The following LRRIQ1 variants were observed in gnomAD, a reference collection of about 807,000 sequenced individuals.
The protein encoded by LRRIQ1 is leucine rich repeats and IQ motif containing 1.
LRRIQ1 carries 210 observed loss-of-function variants against 211.9 expected under a neutral mutation model. That is an observed-to-expected ratio of 0.99 (90% confidence interval 0.89 to 1.11). The LOEUF is 1.11. Among genes scored for constraint, LRRIQ1 ranks in the 50% most tolerant of loss-of-function variants. LRRIQ1 has a pLI of 0.00. For synonymous variants in LRRIQ1, 699 were observed against 650.1 expected, an observed-to-expected ratio of 1.08 and a Z score of -1.14; for missense variants, 2,136 against 1,939.5, an observed-to-expected ratio of 1.10 and a Z score of -1.90.
At position 85,056,627 on chromosome 12, in the gene LRRIQ1, A is replaced by C. The variant is rs1298365076; in HGVS notation, c.1834A>C (p.Arg612=). Residue 612 remains arginine, a synonymous_variant, in exon 8 of 27, where the codon AGA becomes CGA. Coordinates refer to ENST00000393217, the MANE Select transcript of LRRIQ1 (RefSeq NM_001079910.2). ...KDTLVISVKQ[R]SLSLTSENSK... is the part of the protein sequence containing the mutation. ...TACTTTAGTTATTTCAGTGAAACAA[A>C]GATCACTCTCACTAACATCAGAAAA... 1 of 1,595,734 alleles carries C rather than the reference A, an allele frequency of 6.3e-7. No homozygotes were observed. Among genetic ancestry groups the C allele is most frequent in the South Asian group, 1.1e-5 (1 of 87,018 alleles).
At chr12:85,169,572 T>C (rs1426581451) in intron 24 of LRRIQ1, among the ~76,000 whole-genome samples, 1 of 152,158 alleles carries the variant, frequency 6.6e-6, no homozygotes, top group Non-Finnish European at 1.5e-5. Context: ...GCTTTCGTAT[T>C]TCATCCTCTT....
chr12:85,083,565 G>A (rs928058433), intron 11 of LRRIQ1, among the ~76,000 whole-genome samples: 4 of 151,650 alleles, frequency 2.6e-5, no homozygotes, highest in East Asian at 1.9e-4. Context: ...TCAGCCTCCC[G>A]AGTAGCTGGG....
At chr12:85,240,372 C>T (rs1383873885) in intron 26 of LRRIQ1, among the ~76,000 whole-genome samples, 1 of 152,044 alleles carries the variant, frequency 6.6e-6, no homozygotes, top group Non-Finnish European at 1.5e-5. Flanking sequence ...AATGGTACAG[C>T]CACTCTGGAG....
rs1279615563 is a variant in LRRIQ1, at chr12:85,055,946, A to G, written c.1153A>G (p.Ile385Val). Residue 385 changes from isoleucine (I) to valine (V), a missense_variant, in exon 8 of 27, where the codon ATA becomes GTA. Coordinates refer to ENST00000393217, the MANE Select transcript of LRRIQ1 (RefSeq NM_001079910.2). The part of the protein sequence containing the change: ...REQLISKEKI[I>V]LREDASQQLI... ...GCAACTAATAAGCAAGGAAAAAATA[A>G]TATTAAGAGAAGATGCAAGCCAACA... 1 of 1,607,042 alleles carries G rather than the reference A, an allele frequency of 6.2e-7. No individual in the cohort carries two copies. Among genetic ancestry groups the G allele is most frequent in the African/African-American group, 1.3e-5 (1 of 74,638 alleles).
Position 85,124,674 on chromosome 12 carries a change from T to A in LRRIQ1, c.4007+155T>A, listed in dbSNP as rs1016699604. 3 of 615,140 alleles carry A rather than the reference T, an allele frequency of 4.9e-6. No homozygotes were observed. The East Asian group carries it at 8.5e-5, about 17-fold the overall frequency. 38.1% of individuals were successfully genotyped at this position (615,140 alleles called of 1,614,324 possible). ...ATGTTTTCGTGAGGTGCATTATGTT[T>A]TCATGAGGTGCACAAATCATTAATT... is the stretch of plus-strand genomic sequence containing the variant. On this transcript the variant is annotated intron_variant, in intron 17 of 26. Coordinates refer to ENST00000393217, the MANE Select transcript of LRRIQ1 (RefSeq NM_001079910.2).
intron 26 of LRRIQ1, among the ~76,000 whole-genome samples, chr12:85,239,310 A>G (rs913512433): frequency 6.6e-6 from 1 of 151,678 alleles, no homozygotes; most frequent in Non-Finnish European, 1.5e-5. Flanking sequence ...CGTGCTACAC[A>G]GAATTCAAGA....
intron 1 of LRRIQ1, among the ~76,000 whole-genome samples, chr12:85,037,560 G>A (rs936774314): frequency 1.3e-5 from 2 of 151,498 alleles, no homozygotes; most frequent in East Asian, 1.9e-4. Flanking sequence ...GAGGGTGGAA[G>A]TTATGGGTAG....
chr12:85,095,937 A>G (rs1885838057), intron 11 of LRRIQ1, among the ~76,000 whole-genome samples: 1 of 151,994 alleles, frequency 6.6e-6, no homozygotes, highest in African/African-American at 2.4e-5. Flanking sequence ...GTTTGTGTGA[A>G]TAGATGTGAA....
intron 19 of LRRIQ1, among the ~76,000 whole-genome samples, chr12:85,143,289 A>G (rs981908385): frequency 2.0e-5 from 3 of 151,524 alleles, no homozygotes; most frequent in South Asian, 2.1e-4. Flanking sequence ...TCCTTTGCTC[A>G]TTTCCAGTTG....
At chr12:85,211,295 G>A (rs998432243) in intron 24 of LRRIQ1, among the ~76,000 whole-genome samples, 3 of 152,102 alleles carry the variant, frequency 2.0e-5, no homozygotes, top group Non-Finnish European at 4.4e-5. Context: ...TTAAGCATAT[G>A]TATATTTTTC....
At chr12:85,201,954 GT>G (rs1344657452) in intron 24 of LRRIQ1, among the ~76,000 whole-genome samples, 6 of 151,990 alleles carry the variant, frequency 3.9e-5, no homozygotes, top group Non-Finnish European at 8.8e-5. Context: ...TCCTAACACT[GT>G]CTTAGCTGTG....
At chr12:85,152,183 T>G (rs968800752) in intron 19 of LRRIQ1, 97 bp from the exon 20 acceptor site, 2 of 930,770 alleles carry the variant, frequency 2.1e-6, no homozygotes, top group East Asian at 2.8e-5. Context: ...AATTCTGATA[T>G]ACTTTGTCAA....
intron 3 of LRRIQ1, among the ~76,000 whole-genome samples, chr12:85,043,629 T>C (rs1209454463): frequency 1.3e-5 from 2 of 150,002 alleles, no homozygotes; most frequent in African/African-American, 5.0e-5. Flanking sequence ...TGTGATTCTT[T>C]GGGAGAAACA....
chr12:85,062,557 A>G (rs1184817106), intron 8 of LRRIQ1, among the ~76,000 whole-genome samples: 1 of 147,436 alleles, frequency 6.8e-6, no homozygotes, highest in Non-Finnish European at 1.5e-5. Flanking sequence ...ATGTTATTCC[A>G]GGCTATATAT....
chr12:85,085,980 G>A (rs993456856), intron 11 of LRRIQ1, among the ~76,000 whole-genome samples: 1 of 152,132 alleles, frequency 6.6e-6, no homozygotes, highest in African/African-American at 2.4e-5. Flanking sequence ...GGGTCAAATG[G>A]TAGTTCTAAT....
chr12:85,141,854 T>C (rs943217054), intron 19 of LRRIQ1, among the ~76,000 whole-genome samples: 8 of 151,318 alleles, frequency 5.3e-5, no homozygotes, highest in African/African-American at 1.9e-4. Context: ...CTTTTGCATT[T>C]ATCAAGTATT....
chr12:85,158,553 C>T (rs1890686215), intron 23 of LRRIQ1, among the ~76,000 whole-genome samples: 1 of 151,852 alleles, frequency 6.6e-6, no homozygotes, highest in African/African-American at 2.4e-5. Flanking sequence ...AATATGGATA[C>T]TCTAATGCTT....
rs147127987 is a variant in LRRIQ1, at chr12:85,105,948, C to T, written c.3284-574C>T. 7.1e-3 allele frequency among the ~76,000 whole-genome samples: 1,085 copies of T among 151,982 alleles called. 11 individuals carry two copies. Among genetic ancestry groups the T allele is most frequent in the African/African-American group, 0.025 (1,056 of 41,452 alleles). On this transcript the variant is annotated intron_variant, in intron 14 of 26. Coordinates refer to ENST00000393217, the MANE Select transcript of LRRIQ1 (RefSeq NM_001079910.2). ...AGTAGCTAGGATTACAGGCATGCGC[C>T]ACCATGCCCAGCTAATTTTGTATTT...
intron 1 of LRRIQ1, among the ~76,000 whole-genome samples, chr12:85,256,030 A>C (rs989533193): frequency 6.6e-6 from 1 of 151,734 alleles, no homozygotes; most frequent in Admixed American, 6.6e-5. Flanking sequence ...AAGTAACAAC[A>C]TTCTAAGACA....
Sources: allele counts gnomAD v4.1 joint callset (sites outside exome capture counted in the v4.1 genomes callset), GRCh38; gene constraint gnomAD v4.1.1; transcripts MANE v1.5; gene names NCBI Gene and HGNC (gene_info 2026-07-23, HGNC 2026-07-21).